MALRD1: variants seen among roughly 807,000 people sequenced by gnomAD.
MALRD1 encodes MAM and LDL-receptor class A domain-containing protein 1.
In MALRD1, 247 loss-of-function variants were observed where a neutral mutation model predicts 242.1. The ratio of observed to expected loss-of-function variants is 1.02; its 90% confidence interval spans 0.92 to 1.13. The LOEUF is 1.13. MALRD1 is among the 50% of genes most tolerant of loss of function. The pLI, the probability that MALRD1 is intolerant of heterozygous loss-of-function variation, is 0.00. For missense variants in MALRD1, 2,989 were observed against 2,533.1 expected, an observed-to-expected ratio of 1.18 and a Z score of -3.86; for synonymous variants, 995 against 866.6, an observed-to-expected ratio of 1.15 and a Z score of -2.60.
intron 29 of MALRD1, among the ~76,000 whole-genome samples, chr10:19,458,069 A>G (rs183087929): frequency 6.6e-6 from 1 of 152,084 alleles, no homozygotes; most frequent in East Asian, 1.9e-4. Context: ...TTCTTTATAC[A>G]CTGCAATGCA....
chr10:19,502,411 T>TA (rs1293228654), intron 31 of MALRD1, among the ~76,000 whole-genome samples: 1 of 152,192 alleles, frequency 6.6e-6, no homozygotes, highest in African/African-American at 2.4e-5. Context: ...TCTGTAATTC[T>TA]AAAAATGTAG....
chr10:19,501,871 A>C (rs1182461006), intron 31 of MALRD1, among the ~76,000 whole-genome samples: 1 of 152,066 alleles, frequency 6.6e-6, no homozygotes, highest in Non-Finnish European at 1.5e-5. Context: ...ATCTCTACAA[A>C]AAATAAAAAA....
chr10:19,592,712 T>G (rs1460472936), intron 33 of MALRD1, among the ~76,000 whole-genome samples: 3 of 147,946 alleles, frequency 2.0e-5, no homozygotes, highest in African/African-American at 7.6e-5. Context: ...ATATCCACTA[T>G]AAGGAAAAAT....
At chr10:19,725,770 GA>G (rs1407138723) in intron 38 of MALRD1, among the ~76,000 whole-genome samples, 1 of 152,154 alleles carries the variant, frequency 6.6e-6, no homozygotes, top group African/African-American at 2.4e-5. Flanking sequence ...GAACTGAATT[GA>G]AAATTCAAAT....
intron 1 of MALRD1, among the ~76,000 whole-genome samples, chr10:19,056,316 C>T (rs112297917): frequency 0.056 from 8,315 of 149,394 alleles, 287 homozygotes; most frequent in South Asian, 0.12. Context: ...TTTTTTAAGT[C>T]CATGAATATG....
chr10:19,475,039 T>C (rs1314639444), intron 29 of MALRD1, among the ~76,000 whole-genome samples: 1 of 152,218 alleles, frequency 6.6e-6, no homozygotes, highest in African/African-American at 2.4e-5. Context: ...AATATGAGGC[T>C]CAGAAAGATT....
chr10:19,192,978 G>T (rs1039635545), intron 14 of MALRD1, among the ~76,000 whole-genome samples: 2 of 151,594 alleles, frequency 1.3e-5, no homozygotes, highest in South Asian at 4.2e-4. Flanking sequence ...ACAGATTTTT[G>T]GCAGTTTGGC....
chr10:19,189,637 T>C (rs1835888976), intron 14 of MALRD1, among the ~76,000 whole-genome samples: 1 of 152,084 alleles, frequency 6.6e-6, no homozygotes, highest in African/African-American at 2.4e-5. Context: ...TTTCCTGGAA[T>C]GCAGGAATGG....
chr10:19,210,524 A>G (rs1244232639), intron 18 of MALRD1, among the ~76,000 whole-genome samples: 4 of 152,270 alleles, frequency 2.6e-5, no homozygotes, highest in Non-Finnish European at 5.9e-5. Flanking sequence ...TCCTGTAGTC[A>G]AATTAATCTA....
At chr10:19,555,904 CAG>C (rs773865877) in intron 32 of MALRD1, among the ~76,000 whole-genome samples, 5 of 151,972 alleles carry the variant, frequency 3.3e-5, no homozygotes, top group Non-Finnish European at 5.9e-5. Flanking sequence ...GAAAGCATGA[CAG>C]AGAGGGAGAG....
chr10:19,443,947 C>G (rs1452635259), intron 28 of MALRD1, among the ~76,000 whole-genome samples: 3 of 152,102 alleles, frequency 2.0e-5, no homozygotes, highest in Non-Finnish European at 4.4e-5. Flanking sequence ...GAGTCTAAGT[C>G]TCTTTGTAGG....
At chr10:19,478,213 G>A (rs1255313962) in intron 29 of MALRD1, among the ~76,000 whole-genome samples, 1 of 152,152 alleles carries the variant, frequency 6.6e-6, no homozygotes, top group Admixed American at 6.5e-5. Flanking sequence ...GAACAGATAA[G>A]CGAATGCTTC....
At chr10:19,352,336 T>C (rs541869588) in intron 26 of MALRD1, 39 bp downstream of exon 26, 14 of 1,512,056 alleles carry the variant, frequency 9.3e-6, no homozygotes, top group Non-Finnish European at 1.3e-5. Context: ...TATTTTTGCA[T>C]GGTGAAAGGT....
At chr10:19,203,492 G>A (rs1430346039) in intron 14 of MALRD1, among the ~76,000 whole-genome samples, 3 of 151,988 alleles carry the variant, frequency 2.0e-5, no homozygotes. Context: ...CAGAATATTC[G>A]GAAAAAAATT....
At chr10:19,250,431 A>G (rs1839247721) in intron 18 of MALRD1, among the ~76,000 whole-genome samples, 1 of 151,976 alleles carries the variant, frequency 6.6e-6, no homozygotes, top group Non-Finnish European at 1.5e-5. Context: ...TGAGATGCGA[A>G]GTGGGTTACA....
At chr10:19,624,255 T>A (rs1839540244) in intron 36 of MALRD1, among the ~76,000 whole-genome samples, 1 of 152,108 alleles carries the variant, frequency 6.6e-6, no homozygotes, top group South Asian at 2.1e-4. Context: ...ATTGGAAACA[T>A]CCTAAATGCC....
chr10:19,635,586 C>G (rs1336096617), intron 36 of MALRD1, among the ~76,000 whole-genome samples: 1 of 151,952 alleles, frequency 6.6e-6, no homozygotes, highest in Non-Finnish European at 1.5e-5. Flanking sequence ...TTAAAAAATA[C>G]AGAAGAACAG....
At chr10:19,240,459 A>G (rs1442193748) in intron 18 of MALRD1, among the ~76,000 whole-genome samples, 3 of 152,030 alleles carry the variant, frequency 2.0e-5, no homozygotes, top group Non-Finnish European at 4.4e-5. Flanking sequence ...ATATATCTAT[A>G]TGATCATATA....
chr10:19,426,190 G>T (rs1030106275), intron 28 of MALRD1, among the ~76,000 whole-genome samples: 6 of 152,112 alleles, frequency 3.9e-5, no homozygotes, highest in Admixed American at 2.0e-4. Context: ...ACAATAGCCT[G>T]CTTGGTAAAT....
Sources: allele counts gnomAD v4.1 joint callset (sites outside exome capture counted in the v4.1 genomes callset), GRCh38; gene constraint gnomAD v4.1.1; transcripts MANE v1.5; gene names NCBI Gene and HGNC (gene_info 2026-07-23, HGNC 2026-07-21).